The following TENM3 variants were observed in gnomAD, a reference collection of about 807,000 sequenced individuals.
TENM3 encodes teneurin-3.
A neutral mutation model predicts 255.1 loss-of-function variants in TENM3; 63 were observed. The observed-to-expected ratio is 0.25, with a 90% CI of 0.20 to 0.30. The LOEUF is 0.30. Among genes scored for constraint, TENM3 ranks in the 10% least tolerant of loss-of-function variants. The probability of loss-of-function intolerance (pLI) is 1.00; values close to 1 mark genes in which losing one functional copy is unlikely to be tolerated. For missense variants in TENM3, 2,929 were observed against 3,461.1 expected (o/e 0.85, Z 3.86); for synonymous variants, 1,306 against 1,322.3 (o/e 0.99, Z 0.27).
chr4:182,798,191 G>C (rs927498353), intron 27 of TENM3, among the ~76,000 whole-genome samples: 1 of 152,052 alleles, frequency 6.6e-6, no homozygotes, highest in Non-Finnish European at 1.5e-5. Context: ...ATTTTTTGTA[G>C]AGATAAGAGT....
At chr4:182,228,472 T>C (rs10020009) in intron 1 of TENM3, among the ~76,000 whole-genome samples, 1,636 of 148,222 alleles carry the variant, frequency 0.011, 32 homozygotes, top group African/African-American at 0.039. Flanking sequence ...TCATTAAAAA[T>C]AGGTATTTTC....
At chr4:181,556,634 A>G in the TENM3 span, among the ~76,000 whole-genome samples, 1 of 152,118 alleles carries the variant, frequency 6.6e-6, no homozygotes, top group Non-Finnish European at 1.5e-5. Context: ...AAGATAACCA[A>G]TGTGAACACA....
chr4:181,701,568 G>A, the TENM3 span, among the ~76,000 whole-genome samples: 1 of 53,164 alleles, frequency 1.9e-5, no homozygotes, highest in Admixed American at 3.1e-4. Context: ...CAGTTTCTCA[G>A]TCTGAAATAA....
At chr4:181,612,380 C>T in the TENM3 span, among the ~76,000 whole-genome samples, 2 of 152,078 alleles carry the variant, frequency 1.3e-5, no homozygotes, top group Non-Finnish European at 2.9e-5. Context: ...ATTGTTTCAG[C>T]CCAGGGGGGA....
At chr4:181,761,329 G>A in the TENM3 span, among the ~76,000 whole-genome samples, 5 of 151,988 alleles carry the variant, frequency 3.3e-5, no homozygotes, top group East Asian at 1.9e-4. Context: ...GCAAGTTAAC[G>A]TGGTGACATT....
chr4:182,723,275 C>T (rs557031441), intron 13 of TENM3, among the ~76,000 whole-genome samples: 1 of 152,290 alleles, frequency 6.6e-6, no homozygotes, highest in East Asian at 1.9e-4. Context: ...ATGCATATTT[C>T]AGTTTGTTTC....
chr4:181,454,635 A>C, the TENM3 span, among the ~76,000 whole-genome samples: 1 of 52,362 alleles, frequency 1.9e-5, no homozygotes, highest in Admixed American at 1.8e-4. Context: ...TTTTTATACC[A>C]TTTTTTTCTG....
chr4:182,213,367 A>G (rs1408205845), intron 1 of TENM3, among the ~76,000 whole-genome samples: 1 of 152,242 alleles, frequency 6.6e-6, no homozygotes, highest in Admixed American at 6.5e-5. Flanking sequence ...TACGTTGCAT[A>G]GTGATTTAGC....
intron 19 of TENM3, among the ~76,000 whole-genome samples, chr4:182,750,407 CA>C (rs148429732): frequency 0.11 from 16,878 of 152,238 alleles, 1,033 homozygotes; most frequent in Middle Eastern, 0.17. Context: ...CAGAGCTCCA[CA>C]AGGCCTCTAC....
the TENM3 span, among the ~76,000 whole-genome samples, chr4:181,785,961 T>C: frequency 2.9e-3 from 445 of 152,230 alleles, 2 homozygotes; most frequent in Non-Finnish European, 4.4e-3. Flanking sequence ...AATGAAACAA[T>C]GCCTGAATAT....
At chr4:181,960,459 C>T in the TENM3 span, among the ~76,000 whole-genome samples, 1 of 152,132 alleles carries the variant, frequency 6.6e-6, no homozygotes, top group African/African-American at 2.4e-5. Flanking sequence ...AACTTTAAAT[C>T]GAAGTCAAGT....
At chr4:181,622,151 C>G in the TENM3 span, among the ~76,000 whole-genome samples, 1 of 152,088 alleles carries the variant, frequency 6.6e-6, no homozygotes, top group Non-Finnish European at 1.5e-5. Context: ...TTAGTCAGTC[C>G]TGAGATGTCC....
chr4:182,177,123 G>A (rs954724587), intron 1 of TENM3, among the ~76,000 whole-genome samples: 4 of 152,010 alleles, frequency 2.6e-5, no homozygotes, highest in Non-Finnish European at 4.4e-5. Context: ...ATGGGGACCC[G>A]CACGGAGCAG....
chr4:182,119,150 C>G, the TENM3 span, among the ~76,000 whole-genome samples: 1 of 152,094 alleles, frequency 6.6e-6, no homozygotes, highest in Non-Finnish European at 1.5e-5. Context: ...TTTCCCTCCC[C>G]CCAGGTAGAT....
At chr4:181,852,967 T>C in the TENM3 span, among the ~76,000 whole-genome samples, 1 of 152,090 alleles carries the variant, frequency 6.6e-6, no homozygotes, top group African/African-American at 2.4e-5. Context: ...TAAGAATAAA[T>C]AATAAAAGCC....
chr4:182,525,312 T>C (rs997418600), intron 3 of TENM3, among the ~76,000 whole-genome samples: 5 of 152,248 alleles, frequency 3.3e-5, no homozygotes, highest in African/African-American at 7.2e-5. Flanking sequence ...CTATAGCAGC[T>C]GCTGGTTGCA....
chr4:182,002,326 G>A, the TENM3 span, among the ~76,000 whole-genome samples: 1 of 152,106 alleles, frequency 6.6e-6, no homozygotes, highest in South Asian at 2.1e-4. Context: ...AGGGGAGAGA[G>A]AGAGAGAGAA....
the TENM3 span, among the ~76,000 whole-genome samples, chr4:181,465,143 G>T: frequency 6.6e-6 from 1 of 151,612 alleles, no homozygotes; most frequent in Non-Finnish European, 1.5e-5. Flanking sequence ...ATGATGTGAA[G>T]GAGTTCAACC....
intron 2 of TENM3, among the ~76,000 whole-genome samples, chr4:182,324,557 CT>C (rs1763271767): frequency 6.6e-6 from 1 of 152,230 alleles, no homozygotes; most frequent in South Asian, 2.1e-4. Flanking sequence ...AAACTTGAAA[CT>C]CCAGTCTCTG....
Sources: gnomAD v4.1 joint callset for allele counts (sites outside exome capture counted in the v4.1 genomes callset) on GRCh38, gnomAD v4.1.1 for gene constraint, MANE v1.5 for transcripts, NCBI Gene and HGNC (gene_info 2026-07-23, HGNC 2026-07-21) for gene names.